Variants in MECOM observed in about 807,000 individuals in gnomAD.
MECOM encodes histone-lysine N-methyltransferase MECOM.
Under a neutral mutation model 116.3 loss-of-function variants are expected in MECOM, and 13 were observed. The observed-to-expected ratio is 0.11, with a 90% confidence interval of 0.07 to 0.18. The LOEUF (loss-of-function observed/expected upper bound fraction) is 0.18. Ranked by LOEUF, MECOM falls within the 10% of genes least tolerant of loss-of-function variation. The probability of loss-of-function intolerance (pLI) is 1.00; values close to 1 mark genes in which losing one functional copy is unlikely to be tolerated. For missense variants in MECOM, 1,299 were observed against 1,509.0 expected (o/e 0.86, Z 2.31); for synonymous variants, 528 against 535.2 (o/e 0.99, Z 0.19).
intron 2 of MECOM, among the ~76,000 whole-genome samples, chr3:169,251,402 C>T (rs1050433037): frequency 3.2e-4 from 49 of 152,240 alleles, no homozygotes; most frequent in African/African-American, 1.1e-3. Flanking sequence ...GCAAGGTGGT[C>T]TTTGCTAGGG....
chr3:169,388,074 C>T (rs1040812441), intron 1 of MECOM, among the ~76,000 whole-genome samples: 3 of 151,884 alleles, frequency 2.0e-5, no homozygotes, highest in African/African-American at 7.3e-5. Context: ...TGGCTGAGAG[C>T]GGAGGATGTG....
chr3:169,587,169 T>G (rs1372575322), intron 1 of MECOM, among the ~76,000 whole-genome samples: 5 of 152,168 alleles, frequency 3.3e-5, no homozygotes, highest in Non-Finnish European at 1.5e-5. Flanking sequence ...TTATTGAGCA[T>G]CTAATTTTTT....
intron 1 of MECOM, among the ~76,000 whole-genome samples, chr3:169,432,533 C>T (rs1243952939): frequency 6.6e-6 from 1 of 152,190 alleles, no homozygotes; most frequent in African/African-American, 2.4e-5. Context: ...ATGTCAATGT[C>T]TCCCTCTCTA....
intron 2 of MECOM, among the ~76,000 whole-genome samples, chr3:169,216,577 T>TAAAAA (rs527868465): frequency 1.5e-5 from 2 of 133,798 alleles, no homozygotes; most frequent in Non-Finnish European, 1.6e-5. Context: ...CCTTCTCTAG[T>TAAAAA]AAAAAAAAAA....
chr3:169,657,008 T>C (rs1409189010), intron 1 of MECOM, among the ~76,000 whole-genome samples: 1 of 152,234 alleles, frequency 6.6e-6, no homozygotes, highest in African/African-American at 2.4e-5. Context: ...ATATATTTAC[T>C]CCTTCCAACT....
At position 169,147,574 on chromosome 3, in the gene MECOM, G is replaced by C. The variant is rs549162371; in HGVS notation, c.376-3742C>G. 117 of 985,362 alleles carry C rather than the reference G, an allele frequency of 1.2e-4. No individual in the cohort carries two copies. The African/African-American group carries it at 2.0e-3, about 16-fold the overall frequency. The allele number at this position is 985,362 out of a possible 1,614,324, so 61.0% of individuals were successfully genotyped here. ...GGTCGCCAAGACCCAAGTCCTATAG[G>C]GACAGACTGATTATGGATGCACCAT... is the stretch of plus-strand genomic sequence containing the variant. On this transcript the variant is annotated intron_variant, in intron 2 of 16. Transcript: ENST00000651503.
At chr3:169,575,338 G>A (rs1480220619) in intron 1 of MECOM, among the ~76,000 whole-genome samples, 2 of 152,174 alleles carry the variant, frequency 1.3e-5, no homozygotes, top group African/African-American at 4.8e-5. Flanking sequence ...TTTCCAGCAG[G>A]GGAAGGTGTG....
At chr3:169,264,102 C>G (rs1444963299) in intron 2 of MECOM, among the ~76,000 whole-genome samples, 1 of 152,172 alleles carries the variant, frequency 6.6e-6, no homozygotes, top group Non-Finnish European at 1.5e-5. Flanking sequence ...GAATCAAAAC[C>G]TGAAATCTAA....
chr3:169,206,269 T>C (rs1749901653), intron 2 of MECOM, among the ~76,000 whole-genome samples: 1 of 152,180 alleles, frequency 6.6e-6, no homozygotes, highest in Non-Finnish European at 1.5e-5. Context: ...AAAATGATCC[T>C]AGTGAAAAAT....
At chr3:169,135,669 G>T (rs1436587807) in intron 3 of MECOM, among the ~76,000 whole-genome samples, 1 of 151,894 alleles carries the variant, frequency 6.6e-6, no homozygotes, top group African/African-American at 2.4e-5. Flanking sequence ...TGCCAGTTGA[G>T]ATGGTTTTTT....
At chr3:169,622,731 G>C (rs1770905407) in intron 1 of MECOM, among the ~76,000 whole-genome samples, 1 of 152,100 alleles carries the variant, frequency 6.6e-6, no homozygotes, top group African/African-American at 2.4e-5. Context: ...GTTGGCACCA[G>C]AGTTTCAAAG....
chr3:169,626,127 T>C (rs958617390), intron 1 of MECOM, among the ~76,000 whole-genome samples: 1 of 152,202 alleles, frequency 6.6e-6, no homozygotes, highest in Non-Finnish European at 1.5e-5. Context: ...GGTTTAAAAG[T>C]GAGTACCAGA....
At chr3:169,387,539 T>C (rs1733558663) in intron 1 of MECOM, among the ~76,000 whole-genome samples, 2 of 152,222 alleles carry the variant, frequency 1.3e-5, no homozygotes, top group South Asian at 2.1e-4. Flanking sequence ...ACATGAATAA[T>C]TTTTCTCTCT....
chr3:169,104,499 T>A (rs1049850873), intron 10 of MECOM, among the ~76,000 whole-genome samples: 1 of 152,176 alleles, frequency 6.6e-6, no homozygotes, highest in Non-Finnish European at 1.5e-5. Flanking sequence ...AGGGTCATGA[T>A]CACACACATT....
chr3:169,475,918 C>T (rs1429798439), intron 1 of MECOM, among the ~76,000 whole-genome samples: 1 of 152,030 alleles, frequency 6.6e-6, no homozygotes, highest in Non-Finnish European at 1.5e-5. Context: ...AGTATAAAAT[C>T]AGATAAAGAT....
rs185027968 is a variant in MECOM at position 169,553,716 on chromosome 3, C to T, written c.37+109620G>A. On this transcript the variant is annotated intron_variant, in intron 1 of 16. Coordinates refer to ENST00000651503, the MANE Select transcript of MECOM (RefSeq NM_004991.4). ...GTGTTCGCAGGTTTGGTGTCTCCTGCGGCCTCTCTTATTGGCTTGCAGATG... is the reference window on the plus strand; with the variant it reads ...GTGTTCGCAGGTTTGGTGTCTCCTGTGGCCTCTCTTATTGGCTTGCAGATG... Among the ~76,000 whole-genome samples, 326 of 152,296 alleles carry T rather than the reference C, an allele frequency of 2.1e-3. 2 individuals carry two copies. The highest frequency in any genetic ancestry group is 3.8e-3 in the Admixed American group (58 of 15,302).
chr3:169,640,559 G>A (rs886657915), intron 1 of MECOM, among the ~76,000 whole-genome samples: 1 of 152,222 alleles, frequency 6.6e-6, no homozygotes, highest in African/African-American at 2.4e-5. Context: ...TCTTCTGTAA[G>A]GGGTGGTGGT....
In MECOM at chr3:169,439,007, AG is replaced by A. The variant is rs544973957; in HGVS notation, c.38-57484del. Among the ~76,000 whole-genome samples, 122 of 151,896 alleles carry A rather than the reference AG, an allele frequency of 8.0e-4. 1 individual carries two copies. Among genetic ancestry groups the A allele is most frequent in the Admixed American group, 1.7e-3 (26 of 15,250 alleles). ...TGATAAAACAGGCTACATTAAAATA[AG>A]ACCTTCTGTTCATTTAGAGATAGCA... is the stretch of plus-strand genomic sequence containing the variant. On this transcript the variant is annotated intron_variant, in intron 1 of 16. Coordinates refer to ENST00000651503, the MANE Select transcript of MECOM (RefSeq NM_004991.4).
chr3:169,127,854 C>A lies in MECOM; in HGVS notation c.820G>T (p.Asp274Tyr). The change falls in exon 5 of 17, where the codon GAT (aspartate) becomes TAT (tyrosine). Residue 274 changes from aspartate (D) to tyrosine (Y), a missense_variant. Physicochemically the swap from Asp to Tyr is radical, Grantham distance 160 (BLOSUM62 -3). Around this residue, in one of 6 missense-constraint regions of MECOM, gnomAD observed 374 missense variants for 433.4 expected, o/e 0.86. Coordinates refer to ENST00000651503, the MANE Select transcript of MECOM (RefSeq NM_004991.4). ...ECKECDQVFP[D>Y]LQSLEKHMLS... ...CATGCCATTTCTAACCTTTGCAAAT[C>A]AGGAAAAACTTGGTCACATTCCTTA... 6.2e-7 allele frequency: 1 copy of A among 1,613,630 alleles called. No individual in the cohort carries two copies. The highest frequency in any genetic ancestry group is 8.5e-7 in the Non-Finnish European group (1 of 1,179,606).
Sources: gnomAD v4.1 joint callset for allele counts (sites outside exome capture counted in the v4.1 genomes callset) on GRCh38, gnomAD v4.1.1 for gene constraint, gnomAD v4.1.1 regional missense constraint, MANE v1.5 for transcripts, NCBI Gene and HGNC (gene_info 2026-07-23, HGNC 2026-07-21) for gene names.